The following GPRC5B variants were observed in gnomAD, a reference collection of about 807,000 sequenced individuals.
GPRC5B encodes G protein-coupled receptor class C group 5 member B.
GPRC5B carries 16 observed loss-of-function variants against 30.1 expected under a neutral mutation model. The ratio of observed to expected loss-of-function variants is 0.53; its 90% CI spans 0.36 to 0.81. The LOEUF (loss-of-function observed/expected upper bound fraction) is 0.81, where lower values mean the gene tolerates loss of function less well. Ranked by LOEUF, GPRC5B falls within the 30% of genes least tolerant of loss-of-function variation. The probability of loss-of-function intolerance (pLI) is 0.01; values close to 1 mark genes in which losing one functional copy is unlikely to be tolerated. For synonymous variants in GPRC5B, 241 were observed against 239.5 expected, an observed-to-expected ratio of 1.01 and a Z score of -0.06; for missense variants, 428 against 544.7, an observed-to-expected ratio of 0.79 and a Z score of 2.13.
chr16:19,867,278 C>T (rs1040765475), intron 2 of GPRC5B, among the ~76,000 whole-genome samples: 17 of 152,224 alleles, frequency 1.1e-4, no homozygotes, highest in Non-Finnish European at 2.2e-4. Context: ...GGTTCAAACT[C>T]TTGGCTCTGC....
chr16:19,885,552 G>T (rs1280491565), upstream of GPRC5B: 14 of 1,090,982 alleles, frequency 1.3e-5, no homozygotes, highest in Non-Finnish European at 1.6e-5. This position sits in a 1 kb window ranked among gnomAD's most constrained non-coding sequence, Gnocchi z 5.3. Flanking sequence ...CACCCCTCAC[G>T]TGGGTCCCTA....
intron 2 of GPRC5B, among the ~76,000 whole-genome samples, chr16:19,863,491 CTT>C (rs10541805): frequency 0.014 from 1,182 of 82,336 alleles, 15 homozygotes; most frequent in African/African-American, 0.049. Flanking sequence ...AATCTGTGTT[CTT>C]TTTTTTTTTT....
chr16:19,884,084 C>A (rs936227755), intron 1 of GPRC5B, among the ~76,000 whole-genome samples: 2 of 143,712 alleles, frequency 1.4e-5, no homozygotes, highest in Non-Finnish European at 3.1e-5. Context: ...AACGCCACTG[C>A]CCCCCCCGCC....
rs758241840 is a variant in GPRC5B at position 19,858,448 on chromosome 16, T to TA, written c.*2051dup. ...GTGCTCACCTTATATGCTTGGACAA[T>TA]AAAGAACTTAGAAAACGAACGTGTG... On this transcript the variant is annotated 3_prime_UTR_variant, in exon 4 of 4. Coordinates refer to ENST00000300571, the MANE Select transcript of GPRC5B (RefSeq NM_016235.3). 2 of 669,708 alleles carry TA rather than the reference T, an allele frequency of 3.0e-6. No individual in the cohort carries two copies. Among genetic ancestry groups the TA allele is most frequent in the South Asian group, 3.2e-5 (2 of 61,592 alleles). 41.5% of individuals were successfully genotyped at this position (669,708 alleles called of 1,614,324 possible). A position where few individuals can be genotyped will look rare whatever the true frequency, so the allele number is the denominator to read the frequency against.
chr16:19,879,521 T>C (rs1002433404), intron 1 of GPRC5B, among the ~76,000 whole-genome samples: 6 of 151,988 alleles, frequency 3.9e-5, no homozygotes, highest in Admixed American at 6.6e-5. Flanking sequence ...ACACTCTATC[T>C]CTCCACGTGC....
intron 1 of GPRC5B, among the ~76,000 whole-genome samples, chr16:19,876,818 G>A (rs538620831): frequency 1.3e-5 from 2 of 152,344 alleles, no homozygotes; most frequent in African/African-American, 4.8e-5. Flanking sequence ...TGTTTTCGCT[G>A]CTCAGCATCC....
rs751484187 is a variant in GPRC5B, at chr16:19,872,279, T to C, written c.567A>G (p.Thr189=). ...EWLVLTVLRD[T]RPACAYEPMD... is the part of the protein sequence containing the mutation. ...TGGGCTCGTAGGCGCAGGCTGGCCT[T>C]GTGTCACGCAGCACGGTGAGCACCA... Residue 189 remains threonine (T), a synonymous_variant, in exon 2 of 4, where the codon ACA becomes ACG. Transcript: ENST00000300571. This position sits in a 1 kb window ranked among gnomAD's most constrained non-coding sequence, Gnocchi z 5.0. 1.9e-6 allele frequency: 3 copies of C among 1,613,924 alleles called. No homozygotes were observed. Among genetic ancestry groups the C allele is most frequent in the Non-Finnish European group, 2.5e-6 (3 of 1,179,988 alleles).
At chr16:19,863,197 G>A (rs1438423985) in intron 2 of GPRC5B, among the ~76,000 whole-genome samples, 2 of 132,488 alleles carry the variant, frequency 1.5e-5, no homozygotes, top group Non-Finnish European at 3.2e-5. Flanking sequence ...TATTGCTGTT[G>A]TCCAGGCTAG....
chr16:19,868,759 C>T (rs886293163), intron 2 of GPRC5B, among the ~76,000 whole-genome samples: 46 of 152,332 alleles, frequency 3.0e-4, no homozygotes, highest in African/African-American at 1.0e-3. Flanking sequence ...AGGCCACTGG[C>T]GTTCCCTCCT....
In GPRC5B at chr16:19,871,871, C is replaced by T. The variant is rs561426322; in HGVS notation, c.975G>A (p.Gln325=). 2.2e-5 allele frequency: 36 copies of T among 1,613,976 alleles called. No individual in the cohort carries two copies. In the Middle Eastern group the frequency reaches 2.1e-3, roughly 96 times the overall value. ...MRETAFEEDV[Q]LPRAYMENKA... is the part of the protein sequence containing the mutation. Reference sequence around the variant, plus strand: ...TGTTCTCCATATAGGCCCGCGGCAGCTGCACGTCCTCCTCGAAGGCCGTCT... The same window carrying T: ...TGTTCTCCATATAGGCCCGCGGCAGTTGCACGTCCTCCTCGAAGGCCGTCT... The change falls in exon 2 of 4, where the codon CAG becomes CAA. Residue 325 remains glutamine (Q), a synonymous_variant. Coordinates refer to ENST00000300571, the MANE Select transcript of GPRC5B (RefSeq NM_016235.3).
chr16:19,864,733 G>A (rs1394190846), intron 2 of GPRC5B, among the ~76,000 whole-genome samples: 1 of 152,212 alleles, frequency 6.6e-6, no homozygotes, highest in African/African-American at 2.4e-5. Flanking sequence ...GCCTCATGGG[G>A]CCTGGTTCCT....
chr16:19,860,259 T>G lies in GPRC5B; in HGVS notation c.*241A>C. ...TTAGCTTTGCTTTAGTTTGCGGGGATTGAGGTTGGTCTGGTATTACGTGTC... is the reference window on the plus strand; with the variant it reads ...TTAGCTTTGCTTTAGTTTGCGGGGAGTGAGGTTGGTCTGGTATTACGTGTC... On this transcript the variant is annotated 3_prime_UTR_variant, in exon 4 of 4. Transcript: ENST00000300571. 4.0e-6 allele frequency: 2 copies of G among 497,994 alleles called. No individual in the cohort carries two copies. The highest frequency in any genetic ancestry group is 3.6e-5 in the East Asian group (1 of 27,494). The allele number at this position is 497,994 out of a possible 1,614,324, so 30.8% of individuals were successfully genotyped here. A position where few individuals can be genotyped will look rare whatever the true frequency, so the allele number is the denominator to read the frequency against.
At chr16:19,877,011 G>A (rs1281147753) in intron 1 of GPRC5B, among the ~76,000 whole-genome samples, 2 of 152,236 alleles carry the variant, frequency 1.3e-5, no homozygotes, top group South Asian at 2.1e-4. Flanking sequence ...ATCCGCTCTA[G>A]GATTGTTCTA....
At position 19,857,146 on chromosome 16, in the gene GPRC5B, T is replaced by G; in HGVS notation, c.*3354A>C. 5.0e-6 allele frequency: 1 copy of G among 201,932 alleles called. No homozygotes were observed. Among genetic ancestry groups the G allele is most frequent in the Non-Finnish European group, 1.0e-5 (1 of 100,328 alleles). The allele number at this position is 201,932 out of a possible 1,614,324, so 12.5% of individuals were successfully genotyped here. A position where few individuals can be genotyped will look rare whatever the true frequency, so the allele number is the denominator to read the frequency against. On this transcript the variant is annotated 3_prime_UTR_variant, in exon 4 of 4. Coordinates refer to ENST00000300571, the MANE Select transcript of GPRC5B (RefSeq NM_016235.3). The stretch of plus-strand genomic sequence containing the variant: ...GTATTATATAGAAAGTTCCTGCTTT[T>G]ATGGGTAAACTTATTACCTTAATAT...
chr16:19,881,755 C>A (rs761012807), intron 1 of GPRC5B, among the ~76,000 whole-genome samples: 3 of 152,238 alleles, frequency 2.0e-5, no homozygotes, highest in Admixed American at 6.5e-5. Context: ...GCACTCCAGC[C>A]TGGGCGACAG....
intron 2 of GPRC5B, among the ~76,000 whole-genome samples, chr16:19,869,821 C>T (rs1217790330): frequency 1.3e-5 from 2 of 152,138 alleles, no homozygotes. Context: ...CCTGTAATCG[C>T]AGCACTTTGG....
rs530209030 is a variant in GPRC5B at position 19,872,602 on chromosome 16, G to A, written c.244C>T (p.Pro82Ser). ...LLMLILLVRLPFIKEKEKKSP... is the reference protein window; with the variant it reads ...LLMLILLVRLSFIKEKEKKSP... ...TTCTTCTCCTTCTCCTTGATGAAGG[G>A]CAGCCGCACCAGGAGGATGAGCATC... Residue 82 changes from proline to serine, a missense_variant, in exon 2 of 4, where the codon CCC becomes TCC. Transcript: ENST00000300571. This position sits in a 1 kb window ranked among gnomAD's most constrained non-coding sequence, Gnocchi z 5.0. 2.5e-6 allele frequency: 4 copies of A among 1,613,846 alleles called. No individual in the cohort carries two copies. Among genetic ancestry groups the A allele is most frequent in the Admixed American group, 1.7e-5 (1 of 60,020 alleles).
At chr16:19,885,563 C>A (rs762103634), upstream of GPRC5B, 4 of 1,077,914 alleles carry the variant, frequency 3.7e-6, no homozygotes, top group Non-Finnish European at 3.4e-6. This position sits in a 1 kb window ranked among gnomAD's most constrained non-coding sequence, Gnocchi z 5.3. Flanking sequence ...TGGGTCCCTA[C>A]GCAGGATCGC....
intron 1 of GPRC5B, among the ~76,000 whole-genome samples, chr16:19,877,226 C>T (rs895871245): frequency 2.6e-5 from 4 of 152,202 alleles, no homozygotes; most frequent in Admixed American, 6.5e-5. Flanking sequence ...TATGCAGTTC[C>T]GGCAGCCAGT....
Sources: allele counts gnomAD v4.1 joint callset (sites outside exome capture counted in the v4.1 genomes callset), GRCh38; gene constraint gnomAD v4.1.1; non-coding constraint Gnocchi (gnomAD v3.1); transcripts MANE v1.5; gene names NCBI Gene and HGNC (gene_info 2026-07-23, HGNC 2026-07-21).